The following KITLG variants were observed in gnomAD, a reference collection of about 807,000 sequenced individuals.
KITLG encodes c-Kit ligand.
A neutral mutation model predicts 34.1 loss-of-function variants in KITLG; 13 were observed. The ratio of observed to expected loss-of-function variants is 0.38; its 90% CI spans 0.25 to 0.61. The LOEUF is 0.61. Among genes scored for constraint, KITLG ranks in the 20% least tolerant of loss-of-function variants. The pLI is 0.60. For missense variants in KITLG, 292 were observed against 318.9 expected (o/e 0.92, Z 0.64); for synonymous variants, 110 against 104.0 (o/e 1.06, Z -0.35).
At chr12:88,511,945 A>G (rs1198434082) in intron 6 of KITLG, among the ~76,000 whole-genome samples, 1 of 152,190 alleles carries the variant, frequency 6.6e-6, no homozygotes, top group Admixed American at 6.6e-5. Context: ...GCCTCTAAAG[A>G]AACGCTATAG....
At chr12:88,512,802 C>G (rs1370816782) in intron 6 of KITLG, among the ~76,000 whole-genome samples, 1 of 150,986 alleles carries the variant, frequency 6.6e-6, no homozygotes, top group Non-Finnish European at 1.5e-5. Context: ...GTAAAAAGTA[C>G]CTGCTACATG....
intron 1 of KITLG, among the ~76,000 whole-genome samples, chr12:88,553,180 A>G (rs1283260434): frequency 6.6e-6 from 1 of 152,178 alleles, no homozygotes; most frequent in African/African-American, 2.4e-5. Flanking sequence ...TTAGTTCTGA[A>G]CTGTGTTTAG....
chr12:88,523,678 T>C (rs763856046), intron 3 of KITLG, among the ~76,000 whole-genome samples: 17 of 152,196 alleles, frequency 1.1e-4, no homozygotes, highest in South Asian at 6.2e-4. Context: ...AAACATTCCA[T>C]GGGCAGGCAA....
At chr12:88,568,516 C>G (rs764880154) in intron 1 of KITLG, among the ~76,000 whole-genome samples, 11 of 151,836 alleles carry the variant, frequency 7.2e-5, no homozygotes, top group African/African-American at 1.5e-4. Context: ...CCCTACAACC[C>G]CATTACACCA....
chr12:88,579,966 G>A (rs1047134191), intron 1 of KITLG: 1 of 573,790 alleles, frequency 1.7e-6, no homozygotes. Flanking sequence ...TGGCCCAAAA[G>A]CCAATCTTTC....
intron 2 of KITLG, among the ~76,000 whole-genome samples, chr12:88,535,149 G>C (rs1870261207): frequency 6.6e-6 from 1 of 152,150 alleles, no homozygotes; most frequent in Non-Finnish European, 1.5e-5. Context: ...AAAATGTAAA[G>C]AGTATGGTGA....
intron 6 of KITLG, among the ~76,000 whole-genome samples, chr12:88,508,352 C>T (rs541662425): frequency 6.6e-6 from 1 of 152,212 alleles, no homozygotes; most frequent in African/African-American, 2.4e-5. Flanking sequence ...AATAGATCTA[C>T]TATGTGTGTA....
chr12:88,529,903 T>C (rs1870020518), intron 3 of KITLG, among the ~76,000 whole-genome samples: 1 of 152,206 alleles, frequency 6.6e-6, no homozygotes, highest in Admixed American at 6.5e-5. Context: ...TCTCCAGTTG[T>C]GCCAGTATAG....
chr12:88,500,459 A>T (rs893013066), intron 9 of KITLG, among the ~76,000 whole-genome samples: 1 of 152,214 alleles, frequency 6.6e-6, no homozygotes, highest in Non-Finnish European at 1.5e-5. Flanking sequence ...TTCCTTTTGT[A>T]GGCTATAAAC....
chr12:88,525,826 C>T (rs965706096), intron 3 of KITLG, among the ~76,000 whole-genome samples: 1 of 152,122 alleles, frequency 6.6e-6, no homozygotes, highest in African/African-American at 2.4e-5. Context: ...AAACACTCAG[C>T]ACAGAGTAGC....
At chr12:88,551,527 C>T (rs1208413534) in intron 1 of KITLG, among the ~76,000 whole-genome samples, 1 of 152,230 alleles carries the variant, frequency 6.6e-6, no homozygotes, top group African/African-American at 2.4e-5. Flanking sequence ...TGTAGCTTCC[C>T]TTCTCCAAGT....
At chr12:88,526,988 C>A (rs1869896470) in intron 3 of KITLG, among the ~76,000 whole-genome samples, 1 of 151,818 alleles carries the variant, frequency 6.6e-6, no homozygotes, top group African/African-American at 2.4e-5. Flanking sequence ...CCTGTCTCAG[C>A]CTCCTGAGTA....
At position 88,506,318 on chromosome 12, in the gene KITLG, C is replaced by T; in HGVS notation, c.775G>A (p.Glu259Lys). The T allele has an allele frequency of 1.9e-6, 3 of 1,605,224 alleles. No individual in the cohort carries two copies. The highest frequency in any genetic ancestry group is 1.7e-6 in the Non-Finnish European group (2 of 1,171,974). ...ENIQINEEDN[E>K]ISMLQEKERE... Reference sequence around the variant, plus strand: ...TTTAGCAAAACAAAATACCTTATCTCATTATCCTCTTCATTAATTTGTATA... The same window carrying T: ...TTTAGCAAAACAAAATACCTTATCTTATTATCCTCTTCATTAATTTGTATA... Residue 259 changes from glutamate to lysine, a missense_variant, in exon 8 of 10, where the codon GAG becomes AAG. Around this residue, in one of 2 missense-constraint regions of KITLG, gnomAD observed 140 missense variants for 111.0 expected, o/e 1.26. Coordinates refer to ENST00000644744, the MANE Select transcript of KITLG (RefSeq NM_000899.5).
At chr12:88,526,322 A>G (rs1869862156) in intron 3 of KITLG, among the ~76,000 whole-genome samples, 1 of 152,226 alleles carries the variant, frequency 6.6e-6, no homozygotes. Flanking sequence ...ATTCACACGT[A>G]TCTAAAAGAA....
At chr12:88,558,093 C>G (rs912640258) in intron 1 of KITLG, among the ~76,000 whole-genome samples, 1 of 152,116 alleles carries the variant, frequency 6.6e-6, no homozygotes, top group Non-Finnish European at 1.5e-5. Context: ...CTTCAGTTGC[C>G]ATCTGATCCC....
rs995593211 is a variant in KITLG at position 88,520,026 on chromosome 12, C to G, written c.193-1159G>C. ...ACAGCCAAAAAGGAAGCAGGTTTAT[C>G]TGCAGATAGGTAAGCCCCAATTCCT... is the stretch of plus-strand genomic sequence containing the variant. On this transcript the variant is annotated intron_variant, in intron 3 of 9. Transcript: ENST00000644744. Among the ~76,000 whole-genome samples, 23 of 152,296 alleles carry G rather than the reference C, an allele frequency of 1.5e-4. 1 individual carries two copies. Among genetic ancestry groups the G allele is most frequent in the Middle Eastern group, 6.8e-3 (2 of 294 alleles).
rs1451553304 is a variant in KITLG at position 88,496,641 on chromosome 12, A to G, written c.*578T>C. 2.0e-5 allele frequency: 3 copies of G among 152,624 alleles called. No individual in the cohort carries two copies. Among genetic ancestry groups the G allele is most frequent in the Admixed American group, 6.5e-5 (1 of 15,268 alleles). 9.5% of individuals were successfully genotyped at this position (152,624 alleles called of 1,614,324 possible). On this transcript the variant is annotated 3_prime_UTR_variant, in exon 10 of 10. Transcript: ENST00000644744. ...AGATCGAAATCAGACCCATATCACTAATCGGCAACTATAAAGCTGACATGT... is the reference window on the plus strand; with the variant it reads ...AGATCGAAATCAGACCCATATCACTGATCGGCAACTATAAAGCTGACATGT...
intron 2 of KITLG, among the ~76,000 whole-genome samples, chr12:88,534,170 G>T (rs1231508958): frequency 1.3e-5 from 2 of 152,096 alleles, no homozygotes; most frequent in Non-Finnish European, 2.9e-5. Flanking sequence ...CAAGTGCCTT[G>T]ACTAAGGTCA....
chr12:88,576,493 A>C (rs577649779), intron 1 of KITLG, among the ~76,000 whole-genome samples: 2 of 152,328 alleles, frequency 1.3e-5, no homozygotes, highest in East Asian at 3.9e-4. Context: ...GTAAGCTACT[A>C]TGCTGGTATA....
Sources: gnomAD v4.1 joint callset for allele counts (sites outside exome capture counted in the v4.1 genomes callset) on GRCh38, gnomAD v4.1.1 for gene constraint, gnomAD v4.1.1 regional missense constraint, MANE v1.5 for transcripts, NCBI Gene and HGNC (gene_info 2026-07-23, HGNC 2026-07-21) for gene names.